CTNNA1: variants seen among roughly 807,000 people sequenced by gnomAD.
The protein encoded by CTNNA1 is catenin alpha 1.
In CTNNA1, 37 loss-of-function variants were observed where a neutral mutation model predicts 98.4. That is an observed-to-expected ratio of 0.38 (90% CI 0.29 to 0.49). CTNNA1 has a LOEUF of 0.49. Ranked by LOEUF, CTNNA1 falls within the 20% of genes least tolerant of loss-of-function variation. The probability of loss-of-function intolerance (pLI) is 0.95; values close to 1 mark genes in which losing one functional copy is unlikely to be tolerated. For missense variants in CTNNA1, 761 were observed against 1,147.2 expected, an observed-to-expected ratio of 0.66 and a Z score of 4.86; for synonymous variants, 404 against 413.2, an observed-to-expected ratio of 0.98 and a Z score of 0.27.
chr5:138,788,449 C>G (rs1755962782), intron 3 of CTNNA1, among the ~76,000 whole-genome samples: 1 of 151,970 alleles, frequency 6.6e-6, no homozygotes. Context: ...ATTTCACATA[C>G]CATAAAAATC....
At chr5:138,867,685 C>A (rs896288649) in intron 7 of CTNNA1, among the ~76,000 whole-genome samples, 2 of 151,954 alleles carry the variant, frequency 1.3e-5, no homozygotes, top group Non-Finnish European at 2.9e-5. Context: ...GGATGAAGGC[C>A]TTTATGGTGA....
chr5:138,927,027 G>C (rs950630070), intron 13 of CTNNA1, among the ~76,000 whole-genome samples: 1 of 152,138 alleles, frequency 6.6e-6, no homozygotes, highest in African/African-American at 2.4e-5. Context: ...TGCTTTATCT[G>C]TGAATTCTTT....
At chr5:138,797,255 A>G (rs1336254893) in intron 3 of CTNNA1, among the ~76,000 whole-genome samples, 1 of 152,164 alleles carries the variant, frequency 6.6e-6, no homozygotes, top group African/African-American at 2.4e-5. Context: ...AAGTATATTC[A>G]CTATAGAAAG....
intron 7 of CTNNA1, chr5:138,828,353 A>G (rs1760931880): frequency 6.7e-6 from 1 of 149,276 alleles, no homozygotes; most frequent in Admixed American, 6.6e-5. Flanking sequence ...AACCCAGGCT[A>G]TGAAATTTGA....
intron 7 of CTNNA1, among the ~76,000 whole-genome samples, chr5:138,850,175 T>G (rs1015035177): frequency 6.6e-6 from 1 of 152,244 alleles, no homozygotes; most frequent in African/African-American, 2.4e-5. Flanking sequence ...GGCTACCCAG[T>G]CTGATTCCAC....
At chr5:138,919,968 T>C in intron 11 of CTNNA1, among the ~76,000 whole-genome samples, 1 of 15,472 alleles carries the variant, frequency 6.5e-5, no homozygotes, top group South Asian at 2.3e-3. Context: ...GCTTTGGCAA[T>C]TTTTTTTTTT....
Position 138,931,525 on chromosome 5 carries a change from T to G in CTNNA1, c.2298+590T>G, listed in dbSNP as rs28363494. 4,475 of 897,620 alleles carry G rather than the reference T, an allele frequency of 5.0e-3. 97 individuals are homozygous for G. In the African/African-American group the frequency reaches 0.051, roughly 10 times the overall value. 55.6% of individuals were successfully genotyped at this position (897,620 alleles called of 1,614,324 possible). A position where few individuals can be genotyped will look rare whatever the true frequency, so the allele number is the denominator to read the frequency against. Reference sequence around the variant, plus strand: ...CCACAGGATGTGTGAGACACAAGCCTCCTTACACAAGCCAAAGATTGTAAA... The same window carrying G: ...CCACAGGATGTGTGAGACACAAGCCGCCTTACACAAGCCAAAGATTGTAAA... On this transcript the variant is annotated intron_variant, in intron 16 of 17. Coordinates refer to ENST00000302763, the MANE Select transcript of CTNNA1 (RefSeq NM_001903.5).
intron 10 of CTNNA1, among the ~76,000 whole-genome samples, chr5:138,908,435 A>C (rs1759766996): frequency 1.3e-5 from 2 of 152,200 alleles, no homozygotes; most frequent in East Asian, 3.8e-4. Context: ...TCAGAGGTCA[A>C]GGTCGGGGGA....
At chr5:138,888,499 T>C (rs1369390679) in intron 9 of CTNNA1, among the ~76,000 whole-genome samples, 1 of 152,180 alleles carries the variant, frequency 6.6e-6, no homozygotes, top group Non-Finnish European at 1.5e-5. Context: ...GTAAAATGTG[T>C]GTCTCGTACT....
intron 7 of CTNNA1, among the ~76,000 whole-genome samples, chr5:138,856,586 C>A (rs1763751050): frequency 6.6e-6 from 1 of 152,200 alleles, no homozygotes; most frequent in Non-Finnish European, 1.5e-5. Context: ...AAATGATCCT[C>A]CTGTGTTGGA....
At position 138,922,250 on chromosome 5, in the gene CTNNA1, G is replaced by A. The variant is rs544160114; in HGVS notation, c.1547-2260G>A. Among the ~76,000 whole-genome samples the A allele has an allele frequency of 3.3e-5, 5 of 152,210 alleles. No individual in the cohort carries two copies. The South Asian group carries it at 1.0e-3, about 32-fold the overall frequency. On this transcript the variant is annotated intron_variant, in intron 11 of 17. Transcript: ENST00000302763. ...TAACTGCTAGACATTTTCTCTAGGG[G>A]AGTGTCACAAATATTTGCCAAAATA...
At chr5:138,842,838 C>T (rs1362613904) in intron 7 of CTNNA1, among the ~76,000 whole-genome samples, 2 of 152,180 alleles carry the variant, frequency 1.3e-5, no homozygotes, top group East Asian at 1.9e-4. Flanking sequence ...AGTTAAAAAA[C>T]ACCTGACACC....
intron 9 of CTNNA1, among the ~76,000 whole-genome samples, chr5:138,895,567 T>G (rs1756601733): frequency 6.6e-6 from 1 of 151,956 alleles, no homozygotes; most frequent in African/African-American, 2.4e-5. Context: ...TTCCTGTATT[T>G]GAGGGAGAAG....
chr5:138,827,509 C>T lies in CTNNA1; in HGVS notation c.859-6C>T. ...GTACTAACATTCGGTAATACTTTCT[C>T]TGCAGAAACAAATCATTGTGGACCC... On this transcript the variant is annotated splice_polypyrimidine_tract_variant and splice_region_variant and intron_variant, in intron 6 of 17. Coordinates refer to ENST00000302763, the MANE Select transcript of CTNNA1 (RefSeq NM_001903.5). 3 of 1,614,142 alleles carry T rather than the reference C, an allele frequency of 1.9e-6. No homozygotes were observed. The highest frequency in any genetic ancestry group is 2.5e-6 in the Non-Finnish European group (3 of 1,179,986).
intron 5 of CTNNA1, among the ~76,000 whole-genome samples, chr5:138,817,448 T>A (rs567665850): frequency 6.6e-6 from 1 of 152,236 alleles, no homozygotes; most frequent in Non-Finnish European, 1.5e-5. Flanking sequence ...TGGATCTGTA[T>A]GTCCATATCT....
At chr5:138,828,552 TA>T (rs1760954496) in intron 7 of CTNNA1, among the ~76,000 whole-genome samples, 1 of 152,230 alleles carries the variant, frequency 6.6e-6, no homozygotes, top group African/African-American at 2.4e-5. Context: ...ATAAATTAAG[TA>T]AAAATTATAT....
At chr5:138,831,610 T>G (rs930093195) in intron 7 of CTNNA1, among the ~76,000 whole-genome samples, 2 of 151,356 alleles carry the variant, frequency 1.3e-5, no homozygotes, top group Admixed American at 1.3e-4. Context: ...GCCCCACATT[T>G]GTTTTTCATC....
chr5:138,790,103 G>C (rs965747194), intron 3 of CTNNA1, among the ~76,000 whole-genome samples: 1 of 152,218 alleles, frequency 6.6e-6, no homozygotes, highest in African/African-American at 2.4e-5. Context: ...GTAGGACCTA[G>C]AGTCTGGAGA....
chr5:138,894,806 C>T (rs897868425), intron 9 of CTNNA1, among the ~76,000 whole-genome samples: 3 of 152,168 alleles, frequency 2.0e-5, no homozygotes, highest in African/African-American at 7.2e-5. Context: ...CTACAACTGC[C>T]TTTCGTCCTG....
Sources: allele counts gnomAD v4.1 joint callset (sites outside exome capture counted in the v4.1 genomes callset), GRCh38; gene constraint gnomAD v4.1.1; transcripts MANE v1.5; gene names NCBI Gene and HGNC (gene_info 2026-07-23, HGNC 2026-07-21).